Variants in ADAMTS6 observed in about 807,000 individuals in gnomAD.
The protein encoded by ADAMTS6 is ADAM metallopeptidase with thrombospondin type 1 motif 6.
In ADAMTS6, 23 loss-of-function variants were observed where a neutral mutation model predicts 144.3. The observed-to-expected ratio is 0.16, with a 90% CI of 0.11 to 0.23. The LOEUF is 0.23. ADAMTS6 is among the 10% of genes least tolerant of loss of function. The pLI is 1.00. For synonymous variants in ADAMTS6, 444 were observed against 457.5 expected, an observed-to-expected ratio of 0.97 and a Z score of 0.38; for missense variants, 999 against 1,379.6, an observed-to-expected ratio of 0.72 and a Z score of 4.37.
At chr5:65,458,900 G>C (rs1192118060) in intron 4 of ADAMTS6, among the ~76,000 whole-genome samples, 1 of 152,168 alleles carries the variant, frequency 6.6e-6, no homozygotes, top group Non-Finnish European at 1.5e-5. Flanking sequence ...GCTACAATTT[G>C]ATTGGGTAAC....
At chr5:65,289,892 A>G (rs1742116711) in intron 11 of ADAMTS6, among the ~76,000 whole-genome samples, 1 of 152,318 alleles carries the variant, frequency 6.6e-6, no homozygotes, top group East Asian at 1.9e-4. Context: ...TCAATGTATT[A>G]ATCCGTAAGT....
intron 12 of ADAMTS6, among the ~76,000 whole-genome samples, chr5:65,271,604 G>A (rs957233902): frequency 2.0e-5 from 3 of 151,934 alleles, no homozygotes; most frequent in African/African-American, 4.8e-5. Context: ...TATTAAATAC[G>A]TATTTACAAT....
At chr5:65,393,862 A>G (rs1448847613) in intron 7 of ADAMTS6, among the ~76,000 whole-genome samples, 2 of 152,210 alleles carry the variant, frequency 1.3e-5, no homozygotes, top group South Asian at 2.1e-4. Flanking sequence ...GAGTTCTGTT[A>G]CTTTTAGTTA....
At chr5:65,184,120 G>GT (rs1343633186) in intron 22 of ADAMTS6, among the ~76,000 whole-genome samples, 1 of 152,056 alleles carries the variant, frequency 6.6e-6, no homozygotes, top group Non-Finnish European at 1.5e-5. Context: ...CAGACCTTCT[G>GT]TTTTTTGTTT....
intron 7 of ADAMTS6, among the ~76,000 whole-genome samples, chr5:65,417,235 A>G (rs1370216068): frequency 6.6e-6 from 1 of 152,216 alleles, no homozygotes; most frequent in African/African-American, 2.4e-5. Flanking sequence ...ATCTCAAAAT[A>G]ATAAGAGCCA....
chr5:65,322,805 T>C (rs137993715), intron 9 of ADAMTS6, among the ~76,000 whole-genome samples: 1 of 152,168 alleles, frequency 6.6e-6, no homozygotes, highest in African/African-American at 2.4e-5. Flanking sequence ...TTTCTAGATA[T>C]AGGATCATGT....
chr5:65,307,438 T>G (rs1019863600), intron 9 of ADAMTS6, among the ~76,000 whole-genome samples: 1 of 152,216 alleles, frequency 6.6e-6, no homozygotes, highest in African/African-American at 2.4e-5. Context: ...TTGGATAAAC[T>G]GAGGAGACTC....
intron 15 of ADAMTS6, among the ~76,000 whole-genome samples, chr5:65,234,775 G>A (rs570335101): frequency 5.0e-4 from 76 of 152,226 alleles, no homozygotes; most frequent in African/African-American, 1.8e-3. Context: ...CAAAGGACAT[G>A]AAATCACTAT....
intron 12 of ADAMTS6, among the ~76,000 whole-genome samples, chr5:65,265,876 A>AT (rs1761581631): frequency 6.6e-6 from 1 of 151,940 alleles, no homozygotes; most frequent in Admixed American, 6.6e-5. Context: ...ATACGTAAAA[A>AT]AATTAGTGGT....
chr5:65,381,556 T>C (rs1487883713), intron 7 of ADAMTS6, among the ~76,000 whole-genome samples: 1 of 128,828 alleles, frequency 7.8e-6, no homozygotes, highest in Non-Finnish European at 1.7e-5. Flanking sequence ...TTTTTTTTTT[T>C]TGTAATTTTA....
At chr5:65,342,158 T>C (rs377129146) in intron 7 of ADAMTS6, among the ~76,000 whole-genome samples, 255 of 152,200 alleles carry the variant, frequency 1.7e-3, no homozygotes, top group African/African-American at 6.1e-3. Context: ...TGATAAAAAC[T>C]CTTAATAAAT....
At chr5:65,247,154 T>A (rs915459094) in intron 14 of ADAMTS6, among the ~76,000 whole-genome samples, 3 of 152,146 alleles carry the variant, frequency 2.0e-5, no homozygotes, top group African/African-American at 4.8e-5. Context: ...GGGCCCCACA[T>A]AAATCTGGAG....
At chr5:65,395,504 T>C (rs1162200252) in intron 7 of ADAMTS6, among the ~76,000 whole-genome samples, 2 of 152,204 alleles carry the variant, frequency 1.3e-5, no homozygotes, top group African/African-American at 2.4e-5. Flanking sequence ...AGCTCCAAGA[T>C]ACTGCTTGTC....
chr5:65,288,461 A>G (rs1741957232), intron 11 of ADAMTS6, among the ~76,000 whole-genome samples: 1 of 152,124 alleles, frequency 6.6e-6, no homozygotes, highest in East Asian at 1.9e-4. Flanking sequence ...CTGGGACTAC[A>G]GGCGTGCACC....
At chr5:65,316,734 G>A (rs972777520) in intron 9 of ADAMTS6, among the ~76,000 whole-genome samples, 3 of 152,000 alleles carry the variant, frequency 2.0e-5, no homozygotes, top group African/African-American at 7.2e-5. Flanking sequence ...ATATTATTAA[G>A]GATAAAAATA....
chr5:65,371,030 G>A (rs189439384), intron 7 of ADAMTS6, among the ~76,000 whole-genome samples: 1 of 152,168 alleles, frequency 6.6e-6, no homozygotes, highest in Admixed American at 6.5e-5. Context: ...ACCTCACATG[G>A]CCGGGTACTC....
At chr5:65,274,133 C>T (rs1367856909) in intron 11 of ADAMTS6, among the ~76,000 whole-genome samples, 1 of 152,048 alleles carries the variant, frequency 6.6e-6, no homozygotes, top group Non-Finnish European at 1.5e-5. Context: ...TTTCCATTAT[C>T]CTACCTCAGC....
intron 8 of ADAMTS6, among the ~76,000 whole-genome samples, chr5:65,333,817 G>T (rs1384676408): frequency 6.6e-6 from 1 of 150,752 alleles, no homozygotes; most frequent in Non-Finnish European, 1.5e-5. Context: ...AAAAGCCAAT[G>T]AAATTTATAT....
chr5:65,377,662 A>G (rs537449370), intron 7 of ADAMTS6, among the ~76,000 whole-genome samples: 1 of 152,284 alleles, frequency 6.6e-6, no homozygotes, highest in Admixed American at 6.5e-5. Context: ...TTTTGTGTTG[A>G]TAAATTTTTT....
Sources: gnomAD v4.1 joint callset for allele counts (sites outside exome capture counted in the v4.1 genomes callset) on GRCh38, gnomAD v4.1.1 for gene constraint, MANE v1.5 for transcripts, NCBI Gene and HGNC (gene_info 2026-07-23, HGNC 2026-07-21) for gene names.